CIMAP1D: variants seen among roughly 807,000 people sequenced by gnomAD.
The protein encoded by CIMAP1D is protein CIMAP1D.
chr19:465,128 TGAGTG>T, the CIMAP1D span, among the ~76,000 whole-genome samples: 1 of 104,598 alleles, frequency 9.6e-6, no homozygotes, highest in Non-Finnish European at 2.0e-5. Context: ...GATGGGTTGA[TGAGTG>T]GATGGATGGA....
the CIMAP1D span, among the ~76,000 whole-genome samples, chr19:465,354 G>C: frequency 3.3e-5 from 5 of 151,226 alleles, no homozygotes; most frequent in East Asian, 9.8e-4. Flanking sequence ...TGGATGAATG[G>C]GTAGGTGGAT....
At chr19:464,950 G>A in the CIMAP1D span, among the ~76,000 whole-genome samples, 2 of 133,052 alleles carry the variant, frequency 1.5e-5, no homozygotes, top group Admixed American at 8.0e-5. Flanking sequence ...ATAGGTAGAA[G>A]GAAAAAAGGA....
the CIMAP1D span, among the ~76,000 whole-genome samples, chr19:465,120 T>TGGAG: frequency 9.0e-6 from 1 of 110,800 alleles, no homozygotes; most frequent in Admixed American, 9.4e-5. Context: ...GATGGATGGA[T>TGGAG]GGGTTGATGA....
the CIMAP1D span, among the ~76,000 whole-genome samples, chr19:475,598 G>T: frequency 2.0e-5 from 3 of 152,108 alleles, no homozygotes; most frequent in Non-Finnish European, 4.4e-5. Flanking sequence ...GGGGAGGTGA[G>T]AGCCGTCCTC....
At chr19:471,745 T>A in the CIMAP1D span, among the ~76,000 whole-genome samples, 1 of 149,670 alleles carries the variant, frequency 6.7e-6, no homozygotes, top group Non-Finnish European at 1.5e-5. Flanking sequence ...GTTAACTTTT[T>A]TTTTTTTTCT....
chr19:483,357 T>C, the CIMAP1D span, among the ~76,000 whole-genome samples: 1 of 148,100 alleles, frequency 6.8e-6, no homozygotes, highest in Non-Finnish European at 1.5e-5. Context: ...GACATGACCA[T>C]GGGAAGCCCT....
chr19:468,160 CT>C, the CIMAP1D span, among the ~76,000 whole-genome samples: 1 of 152,060 alleles, frequency 6.6e-6, no homozygotes, highest in Non-Finnish European at 1.5e-5. Context: ...GAGCTCAGGA[CT>C]TTGAGACCAG....
chr19:483,034 T>C, the CIMAP1D span, among the ~76,000 whole-genome samples: 6 of 152,192 alleles, frequency 3.9e-5, no homozygotes, highest in African/African-American at 1.4e-4. Context: ...CGGGCATATG[T>C]CAGCCTGACT....
the CIMAP1D span, among the ~76,000 whole-genome samples, chr19:484,233 C>T: frequency 4.0e-5 from 6 of 151,198 alleles, no homozygotes; most frequent in African/African-American, 9.7e-5. Context: ...CTCTGCCTCC[C>T]GGGCTCAAGC....
chr19:475,445 C>T, the CIMAP1D span, among the ~76,000 whole-genome samples: 3 of 152,232 alleles, frequency 2.0e-5, no homozygotes, highest in South Asian at 2.1e-4. Flanking sequence ...AGGCACTGAA[C>T]GTGAGGGAAA....
At chr19:490,793 G>A in the CIMAP1D span, among the ~76,000 whole-genome samples, 2 of 151,940 alleles carry the variant, frequency 1.3e-5, no homozygotes, top group Non-Finnish European at 2.9e-5. Context: ...GGGAAACCCC[G>A]TCTCTATTAA....
the CIMAP1D span, among the ~76,000 whole-genome samples, chr19:470,721 G>C: frequency 3.9e-5 from 6 of 152,140 alleles, no homozygotes; most frequent in Admixed American, 6.5e-5. Flanking sequence ...CCTTCCGACC[G>C]CGCTCCCAGC....
the CIMAP1D span, among the ~76,000 whole-genome samples, chr19:486,754 A>C: frequency 6.6e-6 from 1 of 151,692 alleles, no homozygotes; most frequent in African/African-American, 2.4e-5. Context: ...CTCTACTAAA[A>C]ATACAAAAAA....
chr19:478,840 C>T, the CIMAP1D span, among the ~76,000 whole-genome samples: 4 of 152,360 alleles, frequency 2.6e-5, no homozygotes, highest in South Asian at 6.2e-4. Context: ...TTGGTGCTCC[C>T]GAGACCCTTG....
chr19:470,692 C>G, the CIMAP1D span, among the ~76,000 whole-genome samples: 1 of 152,186 alleles, frequency 6.6e-6, no homozygotes, highest in African/African-American at 2.4e-5. Flanking sequence ...AGGCCTCTGT[C>G]CAAATCCCCA....
chr19:464,489 C>T, the CIMAP1D span: 3 of 684,740 alleles, frequency 4.4e-6, no homozygotes, highest in Non-Finnish European at 5.2e-6. Flanking sequence ...GGGTGCCTTT[C>T]TCTCCCTTCC....
At chr19:471,294 G>A in the CIMAP1D span, among the ~76,000 whole-genome samples, 15 of 151,002 alleles carry the variant, frequency 9.9e-5, no homozygotes, top group African/African-American at 2.4e-4. Context: ...GACTACAGGC[G>A]CCTGCAACCA....
At chr19:481,981 G>T in the CIMAP1D span, among the ~76,000 whole-genome samples, 1 of 151,778 alleles carries the variant, frequency 6.6e-6, no homozygotes, top group Non-Finnish European at 1.5e-5. Flanking sequence ...TTGCTATGTT[G>T]CCCAGGCTGG....
the CIMAP1D span, among the ~76,000 whole-genome samples, chr19:468,928 C>T: frequency 3.0e-5 from 4 of 135,344 alleles, no homozygotes; most frequent in Non-Finnish European, 5.0e-5. Context: ...GGCCCAGACA[C>T]GGCTCCAGAC....
Sources: allele counts gnomAD v4.1 joint callset (sites outside exome capture counted in the v4.1 genomes callset), GRCh38; gene constraint gnomAD v4.1.1; transcripts MANE v1.5; gene names NCBI Gene and HGNC (gene_info 2026-07-23, HGNC 2026-07-21).